Variants in VEZT observed in about 807,000 individuals in gnomAD.
The protein encoded by VEZT is vezatin, adherens junctions transmembrane protein.
A neutral mutation model predicts 79.9 loss-of-function variants in VEZT; 39 were observed. That is an observed-to-expected ratio of 0.49 (90% CI 0.38 to 0.64). VEZT has a LOEUF of 0.64. Ranked by LOEUF, VEZT falls within the 30% of genes least tolerant of loss-of-function variation. The probability of loss-of-function intolerance (pLI) is 0.00; values close to 1 mark genes in which losing one functional copy is unlikely to be tolerated. For synonymous variants in VEZT, 325 were observed against 327.6 expected (o/e 0.99, Z 0.09); for missense variants, 837 against 893.1 (o/e 0.94, Z 0.80).
At chr12:95,221,392 A>C (rs886543400) in intron 1 of VEZT, among the ~76,000 whole-genome samples, 1 of 151,526 alleles carries the variant, frequency 6.6e-6, no homozygotes, top group African/African-American at 2.4e-5. Flanking sequence ...GGCGAAACCC[A>C]GTCTCTACTA....
chr12:95,244,694 C>T (rs2137499179), intron 1 of VEZT, among the ~76,000 whole-genome samples: 1 of 151,258 alleles, frequency 6.6e-6, no homozygotes, highest in African/African-American at 2.4e-5. Context: ...TTTAAACCAT[C>T]CTCCCTCCCA....
intron 1 of VEZT, among the ~76,000 whole-genome samples, chr12:95,248,832 A>G (rs960252982): frequency 1.5e-4 from 23 of 151,680 alleles, no homozygotes; most frequent in Non-Finnish European, 3.1e-4. Flanking sequence ...AAAAAAAAAA[A>G]AAAAAAGAAA....
intron 1 of VEZT, among the ~76,000 whole-genome samples, chr12:95,236,560 T>C (rs1364258713): frequency 1.3e-5 from 2 of 151,734 alleles, no homozygotes; most frequent in East Asian, 3.9e-4. Context: ...GTGAGGCAAA[T>C]GCTCTTACTG....
intron 1 of VEZT, among the ~76,000 whole-genome samples, chr12:95,219,899 T>G (rs1341467515): frequency 2.6e-5 from 4 of 152,254 alleles, no homozygotes; most frequent in African/African-American, 7.2e-5. Context: ...TTTTTATTTC[T>G]TTGAACATTT....
chr12:95,234,057 CAACT>C (rs1165334666), intron 1 of VEZT, among the ~76,000 whole-genome samples: 1 of 152,100 alleles, frequency 6.6e-6, no homozygotes, highest in Non-Finnish European at 1.5e-5. Flanking sequence ...TAATTATTGC[CAACT>C]AATAGGTAAA....
chr12:95,284,714 G>A (rs1466774635), intron 8 of VEZT, among the ~76,000 whole-genome samples: 3 of 152,128 alleles, frequency 2.0e-5, no homozygotes, highest in Non-Finnish European at 4.4e-5. Flanking sequence ...GCCATTAAAA[G>A]TAAGGGCGGG....
At chr12:95,242,672 G>A (rs866580124) in intron 1 of VEZT, among the ~76,000 whole-genome samples, 1 of 152,132 alleles carries the variant, frequency 6.6e-6, no homozygotes, top group East Asian at 1.9e-4. Flanking sequence ...TCAGGAGTTC[G>A]AGACCAGACT....
intron 1 of VEZT, chr12:95,243,954 T>C (rs1190692917): frequency 2.2e-6 from 1 of 456,084 alleles, no homozygotes; most frequent in Non-Finnish European, 4.4e-6. Context: ...GCAGAGCCCT[T>C]GCTAGAAGCC....
intron 3 of VEZT, 86 bp from the exon 4 acceptor site, chr12:95,262,820 A>G: frequency 8.0e-7 from 1 of 1,252,390 alleles, no homozygotes; most frequent in Non-Finnish European, 1.0e-6. Flanking sequence ...AAACACCACC[A>G]AATTTTATTA....
chr12:95,261,745 T>C (rs976462888), intron 3 of VEZT, among the ~76,000 whole-genome samples: 1 of 152,224 alleles, frequency 6.6e-6, no homozygotes, highest in African/African-American at 2.4e-5. Flanking sequence ...AATACAACTT[T>C]AAATTTTCTT....
rs371163349 is a variant in VEZT, at chr12:95,300,021, C to T, written c.1832-144C>T. ...AAAGTTTCCTGGATTTATAAATTTT[C>T]ATTGATTTTACTAGAAAGTTTTATT... On this transcript the variant is annotated intron_variant, in intron 11 of 11. Coordinates refer to ENST00000436874, the MANE Select transcript of VEZT (RefSeq NM_017599.4). The T allele has an allele frequency of 1.9e-5, 9 of 477,244 alleles. No homozygotes were observed. The South Asian group carries it at 5.5e-4, about 29-fold the overall frequency. 29.6% of individuals were successfully genotyped at this position (477,244 alleles called of 1,614,324 possible).
At chr12:95,273,940 G>C (rs1280819093) in intron 6 of VEZT, among the ~76,000 whole-genome samples, 1 of 152,150 alleles carries the variant, frequency 6.6e-6, no homozygotes, top group Non-Finnish European at 1.5e-5. Flanking sequence ...TATTGATTTT[G>C]ATGTGTCTGT....
Position 95,282,736 on chromosome 12 carries a change from A to G in VEZT, c.1328+92A>G, listed in dbSNP as rs2069503080. ...GTTGTTGGCTTGTGTCCTACCTAGA[A>G]AAAAGAAACAAAACTGAGGCATGAG... On this transcript the variant is annotated intron_variant, in intron 8 of 11. Coordinates refer to ENST00000436874, the MANE Select transcript of VEZT (RefSeq NM_017599.4). The G allele has an allele frequency of 8.4e-6, 9 of 1,068,328 alleles. No individual in the cohort carries two copies. In the South Asian group the frequency reaches 1.5e-4, roughly 17 times the overall value. 66.2% of individuals were successfully genotyped at this position (1,068,328 alleles called of 1,614,324 possible). A position where few individuals can be genotyped will look rare whatever the true frequency, so the allele number is the denominator to read the frequency against.
intron 6 of VEZT, among the ~76,000 whole-genome samples, chr12:95,271,624 A>G (rs1290421655): frequency 6.6e-6 from 1 of 152,248 alleles, no homozygotes; most frequent in Non-Finnish European, 1.5e-5. Context: ...TTGGTCATTC[A>G]GTGAATATTT....
intron 8 of VEZT, chr12:95,286,333 G>A: frequency 2.3e-6 from 1 of 440,450 alleles, no homozygotes; most frequent in Middle Eastern, 8.0e-4. Context: ...AGAATACCAA[G>A]TTAGTCTTTC....
At chr12:95,234,444 C>T (rs1007235970) in intron 1 of VEZT, among the ~76,000 whole-genome samples, 6 of 152,078 alleles carry the variant, frequency 3.9e-5, no homozygotes, top group Admixed American at 3.3e-4. Context: ...CATGCGCCAC[C>T]ACCCCCGGCT....
rs193103815 is a variant in VEZT at position 95,294,266 on chromosome 12, T to C, written c.1523-6T>C. ...CTTTATTCCCATCTATTCCCGTTTT[T>C]TAAAGGCAAGCCTGAAATAGCATGT... On this transcript the variant is annotated splice_region_variant and splice_polypyrimidine_tract_variant and intron_variant, in intron 9 of 11. Coordinates refer to ENST00000436874, the MANE Select transcript of VEZT (RefSeq NM_017599.4). 5.7e-6 allele frequency: 9 copies of C among 1,575,430 alleles called. No homozygotes were observed. The highest frequency in any genetic ancestry group is 7.8e-6 in the Non-Finnish European group (9 of 1,159,638).
chr12:95,268,745 A>G (rs977511097), intron 5 of VEZT, among the ~76,000 whole-genome samples: 1 of 152,226 alleles, frequency 6.6e-6, no homozygotes, highest in Non-Finnish European at 1.5e-5. Flanking sequence ...ATTGGAAGAA[A>G]TTGTGCTTCC....
chr12:95,266,243 A>G (rs2065509769), intron 4 of VEZT, 114 bp from the exon 5 acceptor site: 1 of 1,173,920 alleles, frequency 8.5e-7, no homozygotes, highest in Non-Finnish European at 1.2e-6. Flanking sequence ...CAAAGAAGCT[A>G]GCATTTTATT....
Sources: gnomAD v4.1 joint callset for allele counts (sites outside exome capture counted in the v4.1 genomes callset) on GRCh38, gnomAD v4.1.1 for gene constraint, MANE v1.5 for transcripts, NCBI Gene and HGNC (gene_info 2026-07-23, HGNC 2026-07-21) for gene names.